Variants in NBAS observed in about 807,000 individuals in gnomAD.
NBAS encodes the protein NBAS subunit of NRZ tethering complex.
In NBAS, 219 loss-of-function variants were observed where a neutral mutation model predicts 302.5. The ratio of observed to expected loss-of-function variants is 0.72; its 90% CI spans 0.65 to 0.81. The LOEUF (loss-of-function observed/expected upper bound fraction) is 0.81, where lower values mean the gene tolerates loss of function less well. Among genes scored for constraint, NBAS ranks in the 30% least tolerant of loss-of-function variants. NBAS has a pLI of 0.00. For missense variants in NBAS, 2,932 were observed against 2,841.6 expected (o/e 1.03, Z -0.72); for synonymous variants, 1,118 against 1,021.6 (o/e 1.09, Z -1.80).
chr2:14,868,477 A>T, the NBAS span, among the ~76,000 whole-genome samples: 69 of 152,352 alleles, frequency 4.5e-4, 1 homozygote, highest in Admixed American at 1.6e-3. Context: ...AAGTATAAGA[A>T]TATACTCATG....
chr2:14,940,018 G>A, the NBAS span, among the ~76,000 whole-genome samples: 583 of 152,250 alleles, frequency 3.8e-3, 7 homozygotes, highest in African/African-American at 0.013. Context: ...CTTTGGCCCA[G>A]ATGAAATCTT....
the NBAS span, among the ~76,000 whole-genome samples, chr2:14,786,253 T>A: frequency 6.6e-6 from 1 of 152,122 alleles, no homozygotes; most frequent in African/African-American, 2.4e-5. Flanking sequence ...TCAATTTTGT[T>A]GATCCTTTCA....
At chr2:15,426,983 G>A (rs1314488821) in intron 22 of NBAS, among the ~76,000 whole-genome samples, 2 of 152,146 alleles carry the variant, frequency 1.3e-5, no homozygotes, top group African/African-American at 4.8e-5. Flanking sequence ...TCTGGGAGCA[G>A]GGAGTGGGAA....
chr2:15,042,693 C>A, the NBAS span, among the ~76,000 whole-genome samples: 2 of 152,166 alleles, frequency 1.3e-5, no homozygotes, highest in Non-Finnish European at 2.9e-5. Flanking sequence ...TCATTCACTG[C>A]CAGGTCCAAG....
chr2:15,457,078 G>A (rs1442383490), intron 21 of NBAS, among the ~76,000 whole-genome samples: 3 of 152,200 alleles, frequency 2.0e-5, no homozygotes, highest in Admixed American at 2.0e-4. Flanking sequence ...ACCCAGGGCA[G>A]GAGCAGGCTT....
the NBAS span, among the ~76,000 whole-genome samples, chr2:14,895,583 A>C: frequency 9.2e-5 from 14 of 152,024 alleles, no homozygotes; most frequent in Non-Finnish European, 1.6e-4. Flanking sequence ...CTAAAAATAC[A>C]AAAAAATTAG....
chr2:15,117,808 C>T, the NBAS span, among the ~76,000 whole-genome samples: 1 of 152,226 alleles, frequency 6.6e-6, no homozygotes, highest in Non-Finnish European at 1.5e-5. Context: ...CCTCCTCCCA[C>T]TCCTGCTTAC....
intron 49 of NBAS, among the ~76,000 whole-genome samples, chr2:15,188,635 T>G (rs181175200): frequency 1.3e-4 from 20 of 152,346 alleles, no homozygotes; most frequent in Middle Eastern, 3.4e-3. Context: ...TTCCATTTCA[T>G]ATGTGGCTAC....
intron 11 of NBAS, among the ~76,000 whole-genome samples, chr2:15,496,875 T>C (rs1478645931): frequency 6.6e-6 from 1 of 152,128 alleles, no homozygotes; most frequent in Non-Finnish European, 1.5e-5. Context: ...CTTTGATTAC[T>C]GCTATGGAAG....
chr2:15,261,298 T>G (rs1259662489), intron 44 of NBAS, among the ~76,000 whole-genome samples: 1 of 152,240 alleles, frequency 6.6e-6, no homozygotes, highest in Non-Finnish European at 1.5e-5. Context: ...TATAGCACGT[T>G]AAGTGCTGTT....
At position 15,473,248 on chromosome 2, in the gene NBAS, T is replaced by A; in HGVS notation, c.1699A>T (p.Asn567Tyr). Reference sequence around the variant, plus strand: ...AAATAATTCTGAATTGAAGCAACGTTGACCGCTGACTTCCTCCACTGCCTC... The same window carrying A: ...AAATAATTCTGAATTGAAGCAACGTAGACCGCTGACTTCCTCCACTGCCTC... ...YQRQWRKSAV[N>Y]VASIQNYLSK... The change falls in exon 16 of 52, where the codon AAC becomes TAC. Residue 567 changes from asparagine to tyrosine, a missense_variant. By Grantham distance (143) the Asn-to-Tyr change is moderately radical. Transcript: ENST00000281513. 6.2e-7 allele frequency: 1 copy of A among 1,614,112 alleles called. No individual in the cohort carries two copies. Among genetic ancestry groups the A allele is most frequent in the Non-Finnish European group, 8.5e-7 (1 of 1,179,944 alleles).
At chr2:15,043,660 C>T in the NBAS span, among the ~76,000 whole-genome samples, 1 of 152,184 alleles carries the variant, frequency 6.6e-6, no homozygotes, top group Non-Finnish European at 1.5e-5. Flanking sequence ...TAATCCTGCC[C>T]TCTCCCCCTT....
At chr2:15,509,046 T>G (rs1662011973) in intron 10 of NBAS, among the ~76,000 whole-genome samples, 1 of 152,150 alleles carries the variant, frequency 6.6e-6, no homozygotes, top group African/African-American at 2.4e-5. Flanking sequence ...CATATAAAAC[T>G]AGAAGCTGGA....
chr2:15,536,351 C>A, intron 8 of NBAS, 67 bp downstream of exon 8: 3 of 1,511,884 alleles, frequency 2.0e-6, no homozygotes, highest in East Asian at 2.3e-5. Flanking sequence ...AAAGAAATAT[C>A]AAAATCTGAC....
intron 10 of NBAS, among the ~76,000 whole-genome samples, chr2:15,509,853 A>C (rs12991966): frequency 0.59 from 89,087 of 151,374 alleles, 26,770 homozygotes; most frequent in Middle Eastern, 0.63. Context: ...CCAAGTGCTC[A>C]CTTCCTTTTT....
the NBAS span, among the ~76,000 whole-genome samples, chr2:15,083,777 G>A: frequency 3.9e-4 from 60 of 152,320 alleles, no homozygotes; most frequent in African/African-American, 1.3e-3. Context: ...CAAGAGGCTT[G>A]TTCTTGCAGT....
At chr2:15,447,107 T>C (rs960496462) in intron 21 of NBAS, among the ~76,000 whole-genome samples, 2 of 151,928 alleles carry the variant, frequency 1.3e-5, no homozygotes, top group African/African-American at 4.8e-5. Context: ...CAAATGAAAA[T>C]ACCAATGGGA....
the NBAS span, among the ~76,000 whole-genome samples, chr2:15,088,018 G>T: frequency 6.6e-6 from 1 of 152,208 alleles, no homozygotes; most frequent in African/African-American, 2.4e-5. Flanking sequence ...GAATTGAGAA[G>T]AGACGGGAAT....
At chr2:14,778,946 T>A in the NBAS span, among the ~76,000 whole-genome samples, 1,956 of 152,312 alleles carry the variant, frequency 0.013, 47 homozygotes, top group African/African-American at 0.043. Context: ...TTCTTTTGCA[T>A]ATGTCTCTCA....
Sources: gnomAD v4.1 joint callset for allele counts (sites outside exome capture counted in the v4.1 genomes callset) on GRCh38, gnomAD v4.1.1 for gene constraint, MANE v1.5 for transcripts, NCBI Gene and HGNC (gene_info 2026-07-23, HGNC 2026-07-21) for gene names.